Variants in VPS37A observed in about 807,000 individuals in gnomAD.
The protein encoded by VPS37A is vacuolar protein sorting-associated protein 37A.
A neutral mutation model predicts 49.8 loss-of-function variants in VPS37A; 30 were observed. That is an observed-to-expected ratio of 0.60 (90% CI 0.45 to 0.82). The LOEUF is 0.82. Ranked by LOEUF, VPS37A falls within the 40% of genes least tolerant of loss-of-function variation. VPS37A has a pLI of 0.00. For missense variants in VPS37A, 593 were observed against 464.4 expected (o/e 1.28, Z -2.55); for synonymous variants, 195 against 160.6 (o/e 1.21, Z -1.62).
Position 17,255,253 on chromosome 8 carries a change from G to A in VPS37A, c.125+7884G>A, listed in dbSNP as rs529750524. Reference sequence around the variant, plus strand: ...CCCAGCACTTTGGGAGGCTGAAGCGGGTGGATCGCCTGAGGTCAGGAGTTC... The same window carrying A: ...CCCAGCACTTTGGGAGGCTGAAGCGAGTGGATCGCCTGAGGTCAGGAGTTC... On this transcript the variant is annotated intron_variant, in intron 1 of 11. Coordinates refer to ENST00000324849, the MANE Select transcript of VPS37A (RefSeq NM_152415.3). 4.3e-4 allele frequency among the ~76,000 whole-genome samples: 66 copies of A among 152,312 alleles called. 2 individuals carry two copies. The South Asian group carries it at 6.8e-3, about 16-fold the overall frequency.
In VPS37A at chr8:17,274,764, T is replaced by A. The variant is rs1767986671; in HGVS notation, c.448T>A (p.Tyr150Asn). ...LYSNPSGMSPYASQGFPFLPP... is the reference protein window; with the variant it reads ...LYSNPSGMSPNASQGFPFLPP... ...CAGTAACCCAAGTGGGATGTCTCCT[T>A]ATGCTTCTCAGGGTTTTCCATTTCT... Residue 150 changes from tyrosine (Y) to asparagine (N), a missense_variant, in exon 5 of 12, where the codon TAT becomes AAT. Tyr to Asn is a moderately radical substitution (Grantham distance 143). Transcript: ENST00000324849. The A allele has an allele frequency of 3.1e-6, 5 of 1,614,188 alleles. No homozygotes were observed. The highest frequency in any genetic ancestry group is 4.2e-6 in the Non-Finnish European group (5 of 1,180,024).
At chr8:17,254,388 C>T (rs1339162627) in intron 1 of VPS37A, among the ~76,000 whole-genome samples, 1 of 152,136 alleles carries the variant, frequency 6.6e-6, no homozygotes, top group Non-Finnish European at 1.5e-5. Context: ...CTGCTATTTA[C>T]CAGCAACAAG....
At chr8:17,299,767 G>T, downstream of VPS37A, 1 of 1,513,952 alleles carries the variant, frequency 6.6e-7, no homozygotes, top group South Asian at 1.3e-5. Flanking sequence ...TCAATGACAT[G>T]CACCATTTCC....
the VPS37A span, chr8:17,309,204 A>C: frequency 2.9e-6 from 3 of 1,050,444 alleles, no homozygotes; most frequent in African/African-American, 3.2e-5. Context: ...ATTTTCCCCT[A>C]AATATTCAAT....
chr8:17,276,590 G>T, intron 6 of VPS37A, 123 bp downstream of exon 6: 3 of 939,098 alleles, frequency 3.2e-6, no homozygotes, highest in Non-Finnish European at 3.1e-6. Context: ...CAATATTGTT[G>T]TTGCCTTAGT....
chr8:17,302,138 AG>A, downstream of VPS37A: 1 of 1,614,036 alleles, frequency 6.2e-7, no homozygotes, highest in African/African-American at 1.3e-5. Context: ...AGATTAACAA[AG>A]CAAGTATGTC....
At chr8:17,267,935 G>C (rs1813621255) in intron 2 of VPS37A, among the ~76,000 whole-genome samples, 2 of 152,108 alleles carry the variant, frequency 1.3e-5, no homozygotes, top group Non-Finnish European at 1.5e-5. Flanking sequence ...AAAAATGCCT[G>C]ATCTAATTTC....
chr8:17,283,415 C>T (rs1815287115), intron 9 of VPS37A, among the ~76,000 whole-genome samples: 1 of 152,156 alleles, frequency 6.6e-6, no homozygotes, highest in African/African-American at 2.4e-5. Flanking sequence ...CTCAGGCTCC[C>T]ACAGTGCTGG....
At chr8:17,314,365 A>G in the VPS37A span, among the ~76,000 whole-genome samples, 3 of 152,162 alleles carry the variant, frequency 2.0e-5, no homozygotes, top group East Asian at 1.9e-4. Context: ...TCCATGGGCA[A>G]TGAGCTGTGT....
At chr8:17,311,542 T>C in the VPS37A span, 1 of 1,613,198 alleles carries the variant, frequency 6.2e-7, no homozygotes, top group African/African-American at 1.3e-5. Flanking sequence ...GTAGTGAGGG[T>C]CCAGCAGCAG....
chr8:17,247,574 C>A, intron 1 of VPS37A: 1 of 747,804 alleles, frequency 1.3e-6, no homozygotes, highest in Non-Finnish European at 2.3e-6. Flanking sequence ...TGCCGCACCA[C>A]TGCTCAGCGC....
downstream of VPS37A, chr8:17,299,747 A>AAAAT (rs1374038219): frequency 2.1e-6 from 3 of 1,432,256 alleles, no homozygotes; most frequent in African/African-American, 4.3e-5. Flanking sequence ...TAGCTGCATT[A>AAAAT]AAGTAGTTCT....
the VPS37A span, chr8:17,311,468 G>C: frequency 1.2e-6 from 2 of 1,613,010 alleles, no homozygotes; most frequent in East Asian, 4.5e-5. Context: ...TCCATTCCTG[G>C]TCAAGGCACC....
intron 2 of VPS37A, among the ~76,000 whole-genome samples, chr8:17,266,618 A>C (rs188281309): frequency 1.3e-5 from 2 of 152,286 alleles, no homozygotes; most frequent in African/African-American, 4.8e-5. Context: ...CCAGATAAGA[A>C]GGCACCTAAC....
the VPS37A span, among the ~76,000 whole-genome samples, chr8:17,319,443 A>T: frequency 6.6e-6 from 1 of 152,310 alleles, no homozygotes; most frequent in East Asian, 1.9e-4. Context: ...AAGCTCCGAA[A>T]AGTTAAGGCA....
chr8:17,284,943 G>T (rs1286245799), intron 10 of VPS37A, among the ~76,000 whole-genome samples: 1 of 151,700 alleles, frequency 6.6e-6, no homozygotes, highest in African/African-American at 2.4e-5. Context: ...GAGAGTGAGG[G>T]CCTGTACGTG....
At chr8:17,269,063 A>T in intron 4 of VPS37A, 107 bp downstream of exon 4, 1 of 746,140 alleles carries the variant, frequency 1.3e-6, no homozygotes, top group Non-Finnish European at 2.1e-6. Flanking sequence ...TCTGATTTCT[A>T]CATCCCCACA....
chr8:17,286,859 G>C (rs1458156925), intron 11 of VPS37A, among the ~76,000 whole-genome samples: 3 of 152,088 alleles, frequency 2.0e-5, no homozygotes, highest in East Asian at 3.9e-4. Context: ...ACGACTTGAG[G>C]GTTCTCTTCC....
At chr8:17,330,634 A>G in the VPS37A span, among the ~76,000 whole-genome samples, 70,887 of 152,044 alleles carry the variant, frequency 0.47, 17,230 homozygotes, top group South Asian at 0.62. Flanking sequence ...GTGTCTTGTC[A>G]TGTTCGCCAT....
Sources: allele counts gnomAD v4.1 joint callset (sites outside exome capture counted in the v4.1 genomes callset), GRCh38; gene constraint gnomAD v4.1.1; transcripts MANE v1.5; gene names NCBI Gene and HGNC (gene_info 2026-07-23, HGNC 2026-07-21).